The following PDGFD variants were observed in gnomAD, a reference collection of about 807,000 sequenced individuals.
PDGFD encodes platelet derived growth factor D, also known as platelet-derived growth factor D.
Under a neutral mutation model 44.7 loss-of-function variants are expected in PDGFD, and 30 were observed. The ratio of observed to expected loss-of-function variants is 0.67; its 90% CI spans 0.50 to 0.91. The LOEUF is 0.91. Ranked by LOEUF, PDGFD falls within the 40% of genes least tolerant of loss-of-function variation. The probability of loss-of-function intolerance (pLI) is 0.00; values close to 1 mark genes in which losing one functional copy is unlikely to be tolerated. For synonymous variants in PDGFD, 173 were observed against 168.4 expected (o/e 1.03, Z -0.21); for missense variants, 445 against 457.8 (o/e 0.97, Z 0.25).
At chr11:104,140,167 A>T (rs1160271881) in intron 1 of PDGFD, among the ~76,000 whole-genome samples, 1 of 152,226 alleles carries the variant, frequency 6.6e-6, no homozygotes, top group Non-Finnish European at 1.5e-5. Flanking sequence ...AAGTGTGCAA[A>T]TTAAATCCTA....
At chr11:104,084,636 A>G (rs137953777) in intron 1 of PDGFD, among the ~76,000 whole-genome samples, 5,570 of 147,100 alleles carry the variant, frequency 0.038, 131 homozygotes, top group East Asian at 0.077. Context: ...TATATAATAT[A>G]TAATATACAA....
chr11:104,099,033 C>T (rs547392641), intron 1 of PDGFD, among the ~76,000 whole-genome samples: 30 of 152,256 alleles, frequency 2.0e-4, no homozygotes, highest in Admixed American at 1.7e-3. Context: ...TAATATCTAA[C>T]ATTCACTGAC....
At chr11:103,946,442 T>G (rs1287397249) in intron 4 of PDGFD, 2 of 152,224 alleles carry the variant, frequency 1.3e-5, no homozygotes, top group Non-Finnish European at 2.9e-5. Context: ...ATTCTTAATT[T>G]GTTGAAGGTC....
At chr11:104,052,213 A>T (rs909514305) in intron 1 of PDGFD, among the ~76,000 whole-genome samples, 4 of 152,182 alleles carry the variant, frequency 2.6e-5, no homozygotes, top group Admixed American at 1.3e-4. Flanking sequence ...TTGATGGCTG[A>T]AGCCAACATG....
chr11:104,013,397 A>G (rs1242379855), intron 1 of PDGFD, among the ~76,000 whole-genome samples: 2 of 152,144 alleles, frequency 1.3e-5, no homozygotes, highest in Non-Finnish European at 2.9e-5. Context: ...GTGGATGGCA[A>G]CTACTAAAAG....
intron 1 of PDGFD, among the ~76,000 whole-genome samples, chr11:104,081,015 A>G (rs1277402677): frequency 6.6e-6 from 1 of 152,250 alleles, no homozygotes; most frequent in Non-Finnish European, 1.5e-5. Flanking sequence ...TCTAGCTGAC[A>G]TCTTAACTGC....
chr11:103,942,233 A>G (rs565436431), intron 5 of PDGFD, among the ~76,000 whole-genome samples: 2 of 152,296 alleles, frequency 1.3e-5, no homozygotes, highest in Admixed American at 1.3e-4. Flanking sequence ...CTTTATATCT[A>G]CAATGCAAAC....
chr11:103,979,070 T>C (rs1591104706), intron 3 of PDGFD, among the ~76,000 whole-genome samples: 1 of 152,168 alleles, frequency 6.6e-6, no homozygotes, highest in South Asian at 2.1e-4. Context: ...CAGGCATCAG[T>C]TCTGGACATG....
In PDGFD at chr11:103,908,558, T is replaced by C. The variant is rs1857975365; in HGVS notation, c.*1136A>G. 6.6e-6 allele frequency: 1 copy of C among 152,182 alleles called. No homozygotes were observed. Among genetic ancestry groups the C allele is most frequent in the South Asian group, 2.1e-4 (1 of 4,828 alleles). The allele number at this position is 152,182 out of a possible 1,614,324, so 9.4% of individuals were successfully genotyped here. ...GATTTTTTTGATACACAAAAGCTTT[T>C]AGGTTGTAAATAATCTATGATGGCC... On this transcript the variant is annotated 3_prime_UTR_variant, in exon 7 of 7. Transcript: ENST00000393158.
At position 104,106,130 on chromosome 11, in the gene PDGFD, C is replaced by T. The variant is rs954358672; in HGVS notation, c.124+57674G>A. 5.9e-5 allele frequency among the ~76,000 whole-genome samples: 9 copies of T among 152,176 alleles called. No homozygotes were observed. In the East Asian group the frequency reaches 1.7e-3, roughly 29 times the overall value. On this transcript the variant is annotated intron_variant, in intron 1 of 6. Transcript: ENST00000393158. ...TTCTGAACTGAGGAGCAGAGTAAAT[C>T]ATTGGTAGATGACTTAAAAGAATTC...
intron 4 of PDGFD, among the ~76,000 whole-genome samples, chr11:103,947,133 C>G (rs1227982417): frequency 6.6e-6 from 1 of 152,204 alleles, no homozygotes; most frequent in East Asian, 1.9e-4. Flanking sequence ...TAGAGAAAAA[C>G]TGGAGCATGA....
chr11:103,953,475 T>C (rs1858789684), intron 3 of PDGFD, among the ~76,000 whole-genome samples: 1 of 152,216 alleles, frequency 6.6e-6, no homozygotes, highest in South Asian at 2.1e-4. Context: ...ATTCTTATTT[T>C]CTTCTTTTTG....
At chr11:104,137,389 A>C (rs1402412953) in intron 1 of PDGFD, among the ~76,000 whole-genome samples, 1 of 152,208 alleles carries the variant, frequency 6.6e-6, no homozygotes, top group East Asian at 1.9e-4. Flanking sequence ...AATGGAATAA[A>C]GTAGAATGAC....
chr11:103,909,527 T>C lies in PDGFD; in HGVS notation c.*167A>G. On this transcript the variant is annotated 3_prime_UTR_variant, in exon 7 of 7. Transcript: ENST00000393158. ...TATAGAAGTTGATGATATACCTTTC[T>C]ACTTGCCATGGCATTAACAAAGCAA... The C allele has an allele frequency of 1.3e-6, 1 of 764,422 alleles. No homozygotes were observed. Among genetic ancestry groups the C allele is most frequent in the South Asian group, 1.7e-5 (1 of 58,188 alleles). 47.4% of individuals were successfully genotyped at this position (764,422 alleles called of 1,614,324 possible).
intron 1 of PDGFD, among the ~76,000 whole-genome samples, chr11:104,108,236 A>ACAG (rs201160067): frequency 0.1 from 15,642 of 152,106 alleles, 950 homozygotes; most frequent in East Asian, 0.31. Flanking sequence ...GAGCTTCTGC[A>ACAG]CTAAAGAAAC....
At chr11:104,101,619 G>A (rs560891517) in intron 1 of PDGFD, among the ~76,000 whole-genome samples, 87 of 152,206 alleles carry the variant, frequency 5.7e-4, no homozygotes, top group Non-Finnish European at 3.7e-4. Context: ...TCATCGCCAA[G>A]TCAATCCTAA....
At chr11:103,917,563 T>C (rs1858146745) in intron 6 of PDGFD, among the ~76,000 whole-genome samples, 1 of 152,208 alleles carries the variant, frequency 6.6e-6, no homozygotes, top group African/African-American at 2.4e-5. Context: ...TCTATAGCAT[T>C]TTACAGTTTT....
chr11:104,137,309 C>T (rs1355916220), intron 1 of PDGFD, among the ~76,000 whole-genome samples: 10 of 151,924 alleles, frequency 6.6e-5, no homozygotes, highest in Non-Finnish European at 1.5e-4. Context: ...GAGATTCAAT[C>T]CTTGCTCTTC....
intron 1 of PDGFD, among the ~76,000 whole-genome samples, chr11:104,009,429 C>CATTATT (rs58324746): frequency 0.013 from 1,981 of 148,804 alleles, 40 homozygotes; most frequent in African/African-American, 0.039. Flanking sequence ...CTTGCAAATG[C>CATTATT]ATTATTATTA....
Sources: allele counts gnomAD v4.1 joint callset (sites outside exome capture counted in the v4.1 genomes callset), GRCh38; gene constraint gnomAD v4.1.1; transcripts MANE v1.5; gene names NCBI Gene and HGNC (gene_info 2026-07-23, HGNC 2026-07-21).